MAP2K7: variants seen among roughly 807,000 people sequenced by gnomAD.
MAP2K7 encodes the protein mitogen-activated protein kinase kinase 7, also known as dual specificity mitogen-activated protein kinase kinase 7.
Under a neutral mutation model 47.7 loss-of-function variants are expected in MAP2K7, and 12 were observed. The ratio of observed to expected loss-of-function variants is 0.25; its 90% CI spans 0.16 to 0.41. MAP2K7 has a LOEUF of 0.41. Ranked by LOEUF, MAP2K7 falls within the 10% of genes least tolerant of loss-of-function variation. MAP2K7 has a pLI of 1.00. For synonymous variants in MAP2K7, 299 were observed against 243.0 expected (o/e 1.23, Z -2.14); for missense variants, 415 against 600.3 (o/e 0.69, Z 3.23).
chr19:7,906,028 C>T, intron 1 of MAP2K7: 3 of 667,696 alleles, frequency 4.5e-6, no homozygotes, highest in Non-Finnish European at 5.4e-6. Context: ...CCCAGCCCAG[C>T]CTCCTCTGCG....
At position 7,911,295 on chromosome 19, in the gene MAP2K7, A is replaced by G; in HGVS notation, c.901A>G (p.Ile301Val). 6.2e-7 allele frequency: 1 copy of G among 1,612,760 alleles called. No individual in the cohort carries two copies. Among genetic ancestry groups the G allele is most frequent in the Non-Finnish European group, 8.5e-7 (1 of 1,179,870 alleles). Residue 301 changes from isoleucine to valine, a missense_variant, in exon 8 of 11, where the codon ATC becomes GTC. Physicochemically the swap from Ile to Val is conservative, Grantham distance 29. This residue lies in a region of MAP2K7 where 206 missense variants were observed against 368.8 expected (regional missense o/e 0.56). Coordinates refer to ENST00000397979, the MANE Select transcript of MAP2K7 (RefSeq NM_145185.4). Reference sequence around the variant, plus strand: ...AGACCCCACCAAGCCGGACTATGACATCCGGGCCGACGTATGGAGCCTGGG... The same window carrying G: ...AGACCCCACCAAGCCGGACTATGACGTCCGGGCCGACGTATGGAGCCTGGG... ...PPDPTKPDYD[I>V]RADVWSLGIS...
chr19:7,907,822 G>A (rs1474494185), intron 1 of MAP2K7, among the ~76,000 whole-genome samples: 1 of 152,160 alleles, frequency 6.6e-6, no homozygotes, highest in Non-Finnish European at 1.5e-5. Context: ...GCGGGAACTA[G>A]GCAGTGTCTC....
intron 1 of MAP2K7, among the ~76,000 whole-genome samples, chr19:7,907,935 C>T (rs1982571912): frequency 6.6e-6 from 1 of 152,136 alleles, no homozygotes; most frequent in African/African-American, 2.4e-5. Flanking sequence ...ATGGACAGAG[C>T]AGAGGCGCAG....
At chr19:7,907,732 G>A (rs1454241214) in intron 1 of MAP2K7, among the ~76,000 whole-genome samples, 5 of 152,192 alleles carry the variant, frequency 3.3e-5, no homozygotes, top group African/African-American at 1.2e-4. Flanking sequence ...GTCAGGGAAG[G>A]GGCCCACAGG....
At chr19:7,912,099 C>G (rs1407381175) in intron 9 of MAP2K7, 50 bp from the exon 10 acceptor site, 1 of 1,576,562 alleles carries the variant, frequency 6.3e-7, no homozygotes, top group Non-Finnish European at 8.7e-7. Flanking sequence ...GTGGGGCCGG[C>G]ATCCCCTCCT....
rs1186800801 is a variant in MAP2K7, at chr19:7,909,646, C to A, written c.125-109C>A. On this transcript the variant is annotated intron_variant, in intron 1 of 10. Transcript: ENST00000397979. ...GGCTGTGCCAGCCTAGCTCGGGAAA[C>A]CCAGGAGGGGAAGGTGAGGGTCCCG... 3 of 643,512 alleles carry A rather than the reference C, an allele frequency of 4.7e-6. No individual in the cohort carries two copies. The African/African-American group carries it at 5.6e-5, about 12-fold the overall frequency. 39.9% of individuals were successfully genotyped at this position (643,512 alleles called of 1,614,324 possible).
intron 1 of MAP2K7, 139 bp downstream of exon 1, chr19:7,904,207 C>CGG: frequency 1.4e-6 from 1 of 726,156 alleles, no homozygotes; most frequent in South Asian, 6.5e-5. Flanking sequence ...TGCGGGCTCG[C>CGG]GGGGCGAGGG....
intron 1 of MAP2K7, among the ~76,000 whole-genome samples, chr19:7,909,483 C>T (rs1256879633): frequency 6.6e-5 from 10 of 152,204 alleles, no homozygotes; most frequent in African/African-American, 1.7e-4. Flanking sequence ...CTCGTTTCTC[C>T]GTCAGCGTAG....
At chr19:7,905,805 C>T (rs1464654310) in intron 1 of MAP2K7, 2 of 1,611,960 alleles carry the variant, frequency 1.2e-6, no homozygotes, top group Admixed American at 1.7e-5. Flanking sequence ...TTTCCCCATC[C>T]AGTTATTGTG....
Position 7,912,205 on chromosome 19 carries a change from G to A in MAP2K7, c.1125+11G>A. 1 of 1,613,922 alleles carries A rather than the reference G, an allele frequency of 6.2e-7. No homozygotes were observed. The highest frequency in any genetic ancestry group is 8.5e-7 in the Non-Finnish European group (1 of 1,179,948). ...TATAATAAGCTACTTGTGAGTACCTGAGCCCTCCCAGTCCCCGTCCTGTCC... is the reference window on the plus strand; with the variant it reads ...TATAATAAGCTACTTGTGAGTACCTAAGCCCTCCCAGTCCCCGTCCTGTCC... On this transcript the variant is annotated intron_variant, in intron 10 of 10. Transcript: ENST00000397979.
chr19:7,907,770 G>A (rs962672681), intron 1 of MAP2K7, among the ~76,000 whole-genome samples: 3 of 152,152 alleles, frequency 2.0e-5, no homozygotes, highest in South Asian at 2.1e-4. Context: ...GTCGTCAACC[G>A]CTGAGTGCAG....
chr19:7,905,918 C>T, intron 1 of MAP2K7: 1 of 1,486,758 alleles, frequency 6.7e-7, no homozygotes, highest in Admixed American at 1.7e-5. Flanking sequence ...GCTGCCCCGG[C>T]CGCAGAATGG....
Position 7,914,416 on chromosome 19 carries a change from A to G in MAP2K7, c.*1985A>G, listed in dbSNP as rs1371413207. The G allele has an allele frequency of 6.6e-6, 1 of 152,232 alleles. No homozygotes were observed. Among genetic ancestry groups the G allele is most frequent in the Non-Finnish European group, 1.5e-5 (1 of 68,050 alleles). 9.4% of individuals were successfully genotyped at this position (152,232 alleles called of 1,614,324 possible). A position where few individuals can be genotyped will look rare whatever the true frequency, so the allele number is the denominator to read the frequency against. ...CCAGTGTCGCCCTGCCCCTTTTTAA[A>G]ACAAAATGCCCTCGTTTGTAAACCC... On this transcript the variant is annotated 3_prime_UTR_variant, in exon 11 of 11. Transcript: ENST00000397979.
At chr19:7,906,215 C>T in intron 1 of MAP2K7, 1 of 298,104 alleles carries the variant, frequency 3.4e-6, no homozygotes, top group Non-Finnish European at 6.5e-6. Flanking sequence ...GTGGCCTGTG[C>T]CTATGGATCT....
chr19:7,910,658 G>T, intron 5 of MAP2K7, 38 bp from the exon 6 acceptor site: 5 of 1,606,392 alleles, frequency 3.1e-6, no homozygotes, highest in Non-Finnish European at 3.4e-6. Context: ...GGGGTGGGCC[G>T]GAAGACACAG....
intron 1 of MAP2K7, 142 bp from the exon 2 acceptor site, chr19:7,909,613 G>T: frequency 1.7e-6 from 1 of 590,422 alleles, no homozygotes; most frequent in South Asian, 2.0e-5. Flanking sequence ...CAGCCCAGCA[G>T]GGCAGGGGGC....
chr19:7,910,201 G>T (rs773817931), intron 3 of MAP2K7, 59 bp from the exon 4 acceptor site: 25 of 1,601,370 alleles, frequency 1.6e-5, no homozygotes, highest in Non-Finnish European at 2.1e-5. Flanking sequence ...AGCGCCAGTG[G>T]GGGGCAGGGG....
rs143213813 is a variant in MAP2K7 at position 7,905,916 on chromosome 19, G to A, written c.124+1848G>A. ...GCACCATTGACCTAACCGCTGCCCC[G>A]GCCGCAGAATGGCGTCCCCCAGCCC... On this transcript the variant is annotated intron_variant, in intron 1 of 10. Transcript: ENST00000397979. 3.5e-3 allele frequency: 5,287 copies of A among 1,510,568 alleles called. 6 individuals carry two copies. Among genetic ancestry groups the A allele is most frequent in the Admixed American group, 4.3e-3 (259 of 59,560 alleles). 93.6% of individuals were successfully genotyped at this position (1,510,568 alleles called of 1,614,324 possible).
At position 7,909,785 on chromosome 19, in the gene MAP2K7, G is replaced by A; in HGVS notation, c.155G>A (p.Gly52Asp). ...TLQLPLANDGGSRSPSSESSP... is the reference protein window; with the variant it reads ...TLQLPLANDGDSRSPSSESSP... ...CAGCTCCCGCTGGCCAACGATGGGG[G>A]CAGCCGCTCGCCATCCTCAGAGAGC... The change falls in exon 2 of 11, where the codon GGC becomes GAC. Residue 52 changes from glycine (G) to aspartate (D), a missense_variant. Gly to Asp is a moderately conservative substitution (Grantham distance 94, BLOSUM62 -1). Around this residue, in one of 3 missense-constraint regions of MAP2K7, gnomAD observed 115 missense variants for 126.2 expected, o/e 0.91. Coordinates refer to ENST00000397979, the MANE Select transcript of MAP2K7 (RefSeq NM_145185.4). 2 of 1,542,762 alleles carry A rather than the reference G, an allele frequency of 1.3e-6. No individual in the cohort carries two copies. The highest frequency in any genetic ancestry group is 1.7e-6 in the Non-Finnish European group (2 of 1,146,268).
Sources: allele counts gnomAD v4.1 joint callset (sites outside exome capture counted in the v4.1 genomes callset), GRCh38; gene constraint gnomAD v4.1.1; regional missense constraint gnomAD v4.1.1; transcripts MANE v1.5; gene names NCBI Gene and HGNC (gene_info 2026-07-23, HGNC 2026-07-21).